PLXNA2: variants seen among roughly 807,000 people sequenced by gnomAD.
PLXNA2 encodes the protein plexin-A2.
In PLXNA2, 91 loss-of-function variants were observed where a neutral mutation model predicts 193.5. The ratio of observed to expected loss-of-function variants is 0.47; its 90% confidence interval spans 0.40 to 0.56. The LOEUF (loss-of-function observed/expected upper bound fraction) is 0.56, where lower values mean the gene tolerates loss of function less well. Among genes scored for constraint, PLXNA2 ranks in the 20% least tolerant of loss-of-function variants. The probability of loss-of-function intolerance (pLI) is 0.00; values close to 1 mark genes in which losing one functional copy is unlikely to be tolerated. For synonymous variants in PLXNA2, 997 were observed against 1,027.3 expected (o/e 0.97, Z 0.56); for missense variants, 1,995 against 2,503.2 (o/e 0.80, Z 4.33).
chr1:208,207,258 G>A (rs1163141265), intron 3 of PLXNA2, among the ~76,000 whole-genome samples: 4 of 152,122 alleles, frequency 2.6e-5, no homozygotes, highest in Admixed American at 6.5e-5. Flanking sequence ...CACCTGCCTC[G>A]GCCTCCCAAA....
intron 3 of PLXNA2, among the ~76,000 whole-genome samples, chr1:208,204,491 T>C (rs983524741): frequency 3.3e-5 from 5 of 152,186 alleles, no homozygotes; most frequent in Non-Finnish European, 7.3e-5. Flanking sequence ...TTGTCCTGTT[T>C]CCTTGACTCC....
At chr1:208,070,515 G>A (rs10863692) in intron 12 of PLXNA2, among the ~76,000 whole-genome samples, 36,254 of 152,178 alleles carry the variant, frequency 0.24, 4,436 homozygotes, top group Admixed American at 0.3. Context: ...GAAGAGCTAG[G>A]TGCCAGCTCC....
rs1665241130 is a variant in PLXNA2 at position 208,051,019 on chromosome 1, T to A, written c.3245A>T (p.Glu1082Val). 1 of 1,611,968 alleles carries A rather than the reference T, an allele frequency of 6.2e-7. No homozygotes were observed. Among genetic ancestry groups the A allele is most frequent in the Non-Finnish European group, 8.5e-7 (1 of 1,178,058 alleles). Residue 1082 changes from glutamate to valine, a missense_variant, in exon 17 of 32, where the codon GAA becomes GTA. Transcript: ENST00000367033. The part of the protein sequence containing the change: ...PRIRVKFNGK[E>V]SVNVCKVVNT... Reference sequence around the variant, plus strand: ...CCAACAGTTACTCACATTGACAGATTCTTTGCCATTGAATTTGACTCGGAT... The same window carrying A: ...CCAACAGTTACTCACATTGACAGATACTTTGCCATTGAATTTGACTCGGAT...
intron 3 of PLXNA2, among the ~76,000 whole-genome samples, chr1:208,160,273 C>T (rs1459510879): frequency 6.6e-5 from 10 of 152,220 alleles, no homozygotes; most frequent in Non-Finnish European, 2.9e-5. Flanking sequence ...AGCTGGGCCT[C>T]TGGCTCTGGA....
At chr1:208,161,584 C>T (rs1283259312) in intron 3 of PLXNA2, among the ~76,000 whole-genome samples, 1 of 152,148 alleles carries the variant, frequency 6.6e-6, no homozygotes, top group Non-Finnish European at 1.5e-5. Context: ...GGACGAGTGG[C>T]CAAGGCTCTG....
intron 6 of PLXNA2, among the ~76,000 whole-genome samples, chr1:208,097,492 T>C (rs1442711809): frequency 6.6e-6 from 1 of 152,194 alleles, no homozygotes; most frequent in African/African-American, 2.4e-5. Context: ...CATAAGGAGC[T>C]CAGGGGATCA....
intron 27 of PLXNA2, among the ~76,000 whole-genome samples, chr1:208,034,109 G>C (rs1029660501): frequency 3.3e-5 from 5 of 152,224 alleles, no homozygotes; most frequent in Non-Finnish European, 5.9e-5. Flanking sequence ...CTAATTTATT[G>C]ATCAAACTGG....
intron 3 of PLXNA2, among the ~76,000 whole-genome samples, chr1:208,143,203 C>T (rs1202420554): frequency 6.6e-6 from 1 of 152,168 alleles, no homozygotes; most frequent in Non-Finnish European, 1.5e-5. Flanking sequence ...GTGGGTGGGG[C>T]CCAGGCATCT....
At chr1:208,211,654 C>G (rs953488532) in intron 2 of PLXNA2, among the ~76,000 whole-genome samples, 2 of 148,792 alleles carry the variant, frequency 1.3e-5, no homozygotes, top group Non-Finnish European at 3.0e-5. Flanking sequence ...GATTGCGCCA[C>G]TGCACTCCAG....
At chr1:208,178,219 G>A (rs946486113) in intron 3 of PLXNA2, among the ~76,000 whole-genome samples, 3 of 152,178 alleles carry the variant, frequency 2.0e-5, no homozygotes, top group African/African-American at 4.8e-5. Flanking sequence ...GAGGGGAGGA[G>A]AAAGCTATGG....
chr1:208,132,776 G>A (rs968820414), intron 4 of PLXNA2, among the ~76,000 whole-genome samples: 28 of 152,088 alleles, frequency 1.8e-4, no homozygotes, highest in East Asian at 3.8e-4. Flanking sequence ...TTTACTAAGC[G>A]GGTAGTAGGT....
intron 1 of PLXNA2, among the ~76,000 whole-genome samples, chr1:208,230,766 C>T (rs2801206): frequency 4.6e-5 from 7 of 152,230 alleles, no homozygotes; most frequent in African/African-American, 1.7e-4. Flanking sequence ...TATCTTCCTA[C>T]CTGCAGTTTC....
chr1:208,150,388 G>A (rs1391879711), intron 3 of PLXNA2, among the ~76,000 whole-genome samples: 5 of 152,190 alleles, frequency 3.3e-5, no homozygotes, highest in Non-Finnish European at 5.9e-5. Context: ...TGGGGCTAGA[G>A]AGTCCTGGAT....
chr1:208,149,095 G>A (rs1418526263), intron 3 of PLXNA2, among the ~76,000 whole-genome samples: 1 of 152,120 alleles, frequency 6.6e-6, no homozygotes, highest in Non-Finnish European at 1.5e-5. Context: ...TTCTACCTCT[G>A]TTCACCTAAG....
intron 31 of PLXNA2, among the ~76,000 whole-genome samples, 157 bp downstream of exon 31, chr1:208,027,852 C>A (rs939155846): frequency 1.3e-5 from 2 of 152,208 alleles, no homozygotes; most frequent in Non-Finnish European, 2.9e-5. Flanking sequence ...TTCAGTGAAT[C>A]AGGAGTTGAG....
intron 3 of PLXNA2, among the ~76,000 whole-genome samples, chr1:208,191,358 T>A (rs975332874): frequency 3.3e-5 from 5 of 152,182 alleles, no homozygotes; most frequent in African/African-American, 7.2e-5. Flanking sequence ...TTTTAAAACA[T>A]TTATTGAATG....
In PLXNA2 at chr1:208,238,692, G is replaced by A. The variant is rs185039347; in HGVS notation, c.-81+4951C>T. ...ATATGAAGAAAAAGATTAAATCAGC[G>A]ATACAATGTTGACATGCATTCAGTT... is the stretch of plus-strand genomic sequence containing the variant. On this transcript the variant is annotated intron_variant, in intron 1 of 31. Coordinates refer to ENST00000367033, the MANE Select transcript of PLXNA2 (RefSeq NM_025179.4). Among the ~76,000 whole-genome samples the A allele has an allele frequency of 3.9e-5, 6 of 152,282 alleles. No homozygotes were observed. The East Asian group carries it at 1.2e-3, about 29-fold the overall frequency.
chr1:208,072,990 G>A lies in PLXNA2; in HGVS notation c.2586+6270C>T, dbSNP rs113566768. On this transcript the variant is annotated intron_variant, in intron 12 of 31. Transcript: ENST00000367033. ...TCCATCCCCCTCACCATGGTGTGGT[G>A]GAGGAAGTCGGCCTTCTGCTCTGCC... 7.5e-3 allele frequency among the ~76,000 whole-genome samples: 1,148 copies of A among 152,290 alleles called. 10 individuals are homozygous for A. Among genetic ancestry groups the A allele is most frequent in the African/African-American group, 0.027 (1,110 of 41,554 alleles).
intron 1 of PLXNA2, 32 bp from the exon 2 acceptor site, chr1:208,218,034 A>G: frequency 6.5e-7 from 1 of 1,533,096 alleles, no homozygotes; most frequent in Non-Finnish European, 8.7e-7. Flanking sequence ...GGTCAGACCA[A>G]AAATAATTTC....
Sources: allele counts gnomAD v4.1 joint callset (sites outside exome capture counted in the v4.1 genomes callset), GRCh38; gene constraint gnomAD v4.1.1; transcripts MANE v1.5; gene names NCBI Gene and HGNC (gene_info 2026-07-23, HGNC 2026-07-21).